Variants in ZHX2 observed in about 807,000 individuals in gnomAD.
ZHX2 encodes zinc fingers and homeoboxes 2.
Under a neutral mutation model 21.9 loss-of-function variants are expected in ZHX2, and 6 were observed. The observed-to-expected ratio is 0.27, with a 90% CI of 0.15 to 0.54. ZHX2 has a LOEUF of 0.54. Among genes scored for constraint, ZHX2 ranks in the 20% least tolerant of loss-of-function variants. The pLI, the probability that ZHX2 is intolerant of heterozygous loss-of-function variation, is 0.95. For synonymous variants in ZHX2, 434 were observed against 437.1 expected, an observed-to-expected ratio of 0.99 and a Z score of 0.09; for missense variants, 908 against 1,090.7, an observed-to-expected ratio of 0.83 and a Z score of 2.36.
intron 3 of ZHX2, among the ~76,000 whole-genome samples, chr8:122,965,008 A>G (rs1278024563): frequency 7.2e-6 from 1 of 139,384 alleles, no homozygotes; most frequent in Non-Finnish European, 1.6e-5. Context: ...TTTCTAATTG[A>G]GTTTATTTGG....
At chr8:122,810,010 T>C (rs1817895071) in intron 1 of ZHX2, among the ~76,000 whole-genome samples, 1 of 152,200 alleles carries the variant, frequency 6.6e-6, no homozygotes, top group Admixed American at 6.5e-5. Flanking sequence ...CCTATAGTGC[T>C]TGATTTCTTG....
chr8:122,841,030 A>C (rs1046034888), intron 1 of ZHX2, among the ~76,000 whole-genome samples: 1 of 152,220 alleles, frequency 6.6e-6, no homozygotes, highest in African/African-American at 2.4e-5. Flanking sequence ...AGCCAGATAC[A>C]TGAAAACTCT....
intron 1 of ZHX2, among the ~76,000 whole-genome samples, chr8:122,791,554 T>A (rs1043218160): frequency 6.6e-6 from 1 of 152,142 alleles, no homozygotes; most frequent in Non-Finnish European, 1.5e-5. Flanking sequence ...TATCTGATCA[T>A]AATAATAAGT....
At chr8:122,789,098 G>A (rs1288066991) in intron 1 of ZHX2, among the ~76,000 whole-genome samples, 1 of 152,232 alleles carries the variant, frequency 6.6e-6, no homozygotes, top group Non-Finnish European at 1.5e-5. Context: ...CTCCTTTCAG[G>A]ATGCAGAGTG....
chr8:122,826,698 G>C (rs1025985625), intron 1 of ZHX2, among the ~76,000 whole-genome samples: 1 of 152,144 alleles, frequency 6.6e-6, no homozygotes, highest in Non-Finnish European at 1.5e-5. Flanking sequence ...GTGTGTAAGG[G>C]GCGATTGTCT....
intron 1 of ZHX2, among the ~76,000 whole-genome samples, chr8:122,853,732 C>G (rs972271979): frequency 8.5e-5 from 13 of 152,098 alleles, no homozygotes; most frequent in Admixed American, 7.9e-4. Context: ...ACCGCCTTCT[C>G]CATGCAACCT....
At chr8:122,876,425 T>A (rs1361923031) in intron 2 of ZHX2, among the ~76,000 whole-genome samples, 2 of 152,124 alleles carry the variant, frequency 1.3e-5, no homozygotes, top group Non-Finnish European at 2.9e-5. Context: ...AAAATTATGC[T>A]CCTGACAGAC....
intron 3 of ZHX2, among the ~76,000 whole-genome samples, chr8:122,970,755 T>A (rs540294003): frequency 6.6e-6 from 1 of 152,266 alleles, no homozygotes; most frequent in South Asian, 2.1e-4. Flanking sequence ...GAAAACCCTG[T>A]TTCTTGGAAA....
chr8:122,855,551 G>A (rs1238094611), intron 1 of ZHX2, among the ~76,000 whole-genome samples: 1 of 151,972 alleles, frequency 6.6e-6, no homozygotes, highest in African/African-American at 2.4e-5. Flanking sequence ...CACATTAAGT[G>A]CTCTTACTCA....
chr8:122,937,570 G>T (rs985575241), intron 2 of ZHX2, among the ~76,000 whole-genome samples: 17 of 140,578 alleles, frequency 1.2e-4, no homozygotes, highest in Non-Finnish European at 2.3e-4. Context: ...AAGTGAAATT[G>T]GATCGTCTAT....
At chr8:122,971,731 C>G (rs1422085812) in intron 3 of ZHX2, among the ~76,000 whole-genome samples, 2 of 151,842 alleles carry the variant, frequency 1.3e-5, no homozygotes, top group African/African-American at 4.8e-5. Flanking sequence ...AAACTTCTAG[C>G]CTGTCATGGA....
intron 1 of ZHX2, among the ~76,000 whole-genome samples, chr8:122,820,231 G>A (rs1818114390): frequency 6.6e-6 from 1 of 152,214 alleles, no homozygotes; most frequent in Non-Finnish European, 1.5e-5. Context: ...CCCAGAGGAA[G>A]TCCAGGCTGT....
At chr8:122,866,205 G>A (rs76960772) in intron 2 of ZHX2, among the ~76,000 whole-genome samples, 1,673 of 152,326 alleles carry the variant, frequency 0.011, 17 homozygotes, top group Non-Finnish European at 0.017. Context: ...TAGGTAGTGT[G>A]GTCTCAAGCC....
intron 2 of ZHX2, among the ~76,000 whole-genome samples, chr8:122,911,778 G>T (rs1409367373): frequency 6.6e-6 from 1 of 152,120 alleles, no homozygotes; most frequent in Admixed American, 6.5e-5. Context: ...GAGCCTATGT[G>T]GTGGGACTTA....
intron 1 of ZHX2, among the ~76,000 whole-genome samples, chr8:122,791,099 GATTA>G (rs1459579881): frequency 6.6e-6 from 1 of 152,182 alleles, no homozygotes; most frequent in Non-Finnish European, 1.5e-5. Context: ...CTCCTCCATG[GATTA>G]GAACCTGTGG....
intron 1 of ZHX2, among the ~76,000 whole-genome samples, chr8:122,814,887 CAT>C (rs35209641): frequency 0.29 from 44,467 of 151,946 alleles, 7,232 homozygotes; most frequent in Middle Eastern, 0.49. Flanking sequence ...GGGATAAAAA[CAT>C]AATCCCTACC....
At chr8:122,842,878 T>G (rs1818670813) in intron 1 of ZHX2, among the ~76,000 whole-genome samples, 2 of 152,248 alleles carry the variant, frequency 1.3e-5, no homozygotes, top group South Asian at 4.1e-4. Flanking sequence ...CAGTGGGCAC[T>G]GAATCACCTG....
intron 2 of ZHX2, among the ~76,000 whole-genome samples, chr8:122,887,328 A>C (rs558815335): frequency 2.0e-5 from 3 of 151,852 alleles, no homozygotes; most frequent in Non-Finnish European, 4.4e-5. Flanking sequence ...AGCCTGGCCA[A>C]CATGGTAAAA....
intron 2 of ZHX2, among the ~76,000 whole-genome samples, chr8:122,943,613 C>T (rs950472726): frequency 5.3e-5 from 8 of 152,136 alleles, no homozygotes; most frequent in African/African-American, 1.2e-4. Flanking sequence ...ACCCAACGGG[C>T]GAAAGTTCCA....
Sources: gnomAD v4.1 joint callset for allele counts (sites outside exome capture counted in the v4.1 genomes callset) on GRCh38, gnomAD v4.1.1 for gene constraint, MANE v1.5 for transcripts, NCBI Gene and HGNC (gene_info 2026-07-23, HGNC 2026-07-21) for gene names.